Variants in MEIS1 observed in about 807,000 individuals in gnomAD.
The protein encoded by MEIS1 is Meis homeobox 1.
In MEIS1, 5 loss-of-function variants were observed where a neutral mutation model predicts 50.8. The observed-to-expected ratio is 0.10, with a 90% CI of 0.05 to 0.21. The LOEUF is 0.21. Ranked by LOEUF, MEIS1 falls within the 10% of genes least tolerant of loss-of-function variation. MEIS1 has a pLI of 1.00. For missense variants in MEIS1, 318 were observed against 517.3 expected (o/e 0.61, Z 3.74); for synonymous variants, 176 against 179.3 (o/e 0.98, Z 0.15).
At chr2:66,555,280 C>CTCTCTCTCTCTCT (rs10695722) in intron 9 of MEIS1, among the ~76,000 whole-genome samples, 9,582 of 133,774 alleles carry the variant, frequency 0.072, 638 homozygotes, top group East Asian at 0.17. Context: ...CTCTCTCTCT[C>CTCTCTCTCTCTCT]GTCTCTCTCC....
In MEIS1 at chr2:66,567,968, C is replaced by CTAAA. The variant is rs1675391689; in HGVS notation, c.1024+458_1024+459insAAAT. Reference sequence around the variant, plus strand: ...TTCAATGAGGTAGAGCTTTTGTGTGCTTTAATAACCCAAGGCAGCTTACTT... The same window carrying CTAAA: ...TTCAATGAGGTAGAGCTTTTGTGTGCTAAATTTAATAACCCAAGGCAGCTTACTT... On this transcript the variant is annotated intron_variant, in intron 10 of 12. Coordinates refer to ENST00000272369, the MANE Select transcript of MEIS1 (RefSeq NM_002398.3). The CTAAA allele has an allele frequency of 4.7e-5, 12 of 256,650 alleles. No individual in the cohort carries two copies. In the South Asian group the frequency reaches 6.4e-4, roughly 14 times the overall value. 15.9% of individuals were successfully genotyped at this position (256,650 alleles called of 1,614,324 possible). A position where few individuals can be genotyped will look rare whatever the true frequency, so the allele number is the denominator to read the frequency against.
At chr2:66,492,348 C>T (rs1673294016) in intron 7 of MEIS1, among the ~76,000 whole-genome samples, 2 of 152,046 alleles carry the variant, frequency 1.3e-5, no homozygotes, top group South Asian at 4.2e-4. Flanking sequence ...CCTGTGAGTA[C>T]AGGATTCAAA....
At position 66,441,811 on chromosome 2, in the gene MEIS1, C is replaced by G. The variant is rs554527644; in HGVS notation, c.483+347C>G. The G allele has an allele frequency of 4.7e-4, 112 of 237,250 alleles. 1 individual carries two copies. In the Middle Eastern group the frequency reaches 5.4e-3, roughly 11 times the overall value. 14.7% of individuals were successfully genotyped at this position (237,250 alleles called of 1,614,324 possible). On this transcript the variant is annotated intron_variant, in intron 5 of 12. Coordinates refer to ENST00000272369, the MANE Select transcript of MEIS1 (RefSeq NM_002398.3). ...CTCTGTTGTCTCTTCTCATCCTCTT[C>G]CTTCTCTTCTTTGCTACCTCTGAGG...
intron 7 of MEIS1, among the ~76,000 whole-genome samples, chr2:66,464,741 G>C (rs1238278186): frequency 6.6e-6 from 1 of 152,128 alleles, no homozygotes; most frequent in Non-Finnish European, 1.5e-5. Context: ...TGCAAAGCCA[G>C]ACTAAATAAA....
intron 7 of MEIS1, among the ~76,000 whole-genome samples, chr2:66,469,814 T>C (rs1394769244): frequency 6.6e-6 from 1 of 152,166 alleles, no homozygotes; most frequent in Non-Finnish European, 1.5e-5. Flanking sequence ...CAGAAGATAT[T>C]TTAATTTGAA....
chr2:66,504,233 C>T (rs1451784430), intron 7 of MEIS1, among the ~76,000 whole-genome samples: 1 of 151,456 alleles, frequency 6.6e-6, no homozygotes, highest in Admixed American at 6.6e-5. Flanking sequence ...TAACAATTAA[C>T]AATTTCTTTC....
intron 6 of MEIS1, among the ~76,000 whole-genome samples, chr2:66,445,536 G>C (rs1315158946): frequency 3.3e-5 from 5 of 152,354 alleles, no homozygotes; most frequent in African/African-American, 1.2e-4. Context: ...TGCGAATGCA[G>C]CCCAGCCAGT....
intron 6 of MEIS1, among the ~76,000 whole-genome samples, chr2:66,462,682 C>T (rs998121407): frequency 3.9e-5 from 6 of 152,196 alleles, no homozygotes; most frequent in African/African-American, 1.2e-4. Context: ...TTACGTCTTA[C>T]AGCATTCTTC....
intron 7 of MEIS1, among the ~76,000 whole-genome samples, chr2:66,476,622 A>T (rs1672898495): frequency 6.6e-6 from 1 of 152,170 alleles, no homozygotes; most frequent in Non-Finnish European, 1.5e-5. Context: ...GGTACCTAAC[A>T]AACTGGCACA....
intron 6 of MEIS1, among the ~76,000 whole-genome samples, chr2:66,455,779 T>C (rs1220484630): frequency 6.6e-6 from 1 of 152,204 alleles, no homozygotes; most frequent in Non-Finnish European, 1.5e-5. Context: ...GGATAGCAGA[T>C]TTTAAAAATA....
chr2:66,555,614 C>T lies in MEIS1; in HGVS notation c.965+7595C>T, dbSNP rs146568373. 5.5e-3 allele frequency among the ~76,000 whole-genome samples: 839 copies of T among 152,154 alleles called. 4 individuals carry two copies. The highest frequency in any genetic ancestry group is 8.7e-3 in the Non-Finnish European group (591 of 68,002). ...CTTAAGTGTGTTTACATATAGTTTG[C>T]CTTTCTGGTATTTTCTGCTTGCACA... On this transcript the variant is annotated intron_variant, in intron 9 of 12. Coordinates refer to ENST00000272369, the MANE Select transcript of MEIS1 (RefSeq NM_002398.3).
intron 8 of MEIS1, among the ~76,000 whole-genome samples, chr2:66,546,640 A>G (rs1674798189): frequency 6.6e-6 from 1 of 152,236 alleles, no homozygotes. Flanking sequence ...ATTAATTACC[A>G]TCCTGTCTGT....
At chr2:66,570,665 G>A (rs1675464216) in intron 12 of MEIS1, 1 of 152,460 alleles carries the variant, frequency 6.6e-6, no homozygotes, top group African/African-American at 2.4e-5. Context: ...AAGACAAGAG[G>A]CCCCCTCAAA....
Position 66,512,302 on chromosome 2 carries a change from G to A in MEIS1, c.888+8G>A. The A allele has an allele frequency of 3.1e-6, 5 of 1,606,828 alleles. No homozygotes were observed. Among genetic ancestry groups the A allele is most frequent in the Non-Finnish European group, 2.5e-6 (3 of 1,177,414 alleles). ...CTGTTCCAGCATCTAACAGTAAGTGGATTCTAAATGACATATATAAACTAA... is the reference window on the plus strand; with the variant it reads ...CTGTTCCAGCATCTAACAGTAAGTGAATTCTAAATGACATATATAAACTAA... On this transcript the variant is annotated splice_region_variant and intron_variant, in intron 8 of 12. Coordinates refer to ENST00000272369, the MANE Select transcript of MEIS1 (RefSeq NM_002398.3).
intron 6 of MEIS1, among the ~76,000 whole-genome samples, chr2:66,458,520 A>T (rs1346378651): frequency 6.6e-6 from 1 of 152,194 alleles, no homozygotes; most frequent in African/African-American, 2.4e-5. Flanking sequence ...TTGTTACATT[A>T]AGAACTATAG....
Position 66,441,458 on chromosome 2 carries a change from A to G in MEIS1, c.477A>G (p.Leu159=), listed in dbSNP as rs756465789. The part of the protein sequence containing the change: ...IQVLRFHLLE[L]EKVHELCDNF... ...TATTAAGGTTTCATCTATTGGAATTAGAGAAGGTAATTTCTCTAGCCTCTT... is the reference window on the plus strand; with the variant it reads ...TATTAAGGTTTCATCTATTGGAATTGGAGAAGGTAATTTCTCTAGCCTCTT... Residue 159 remains leucine, a synonymous_variant, in exon 5 of 13, where the codon TTA becomes TTG. Coordinates refer to ENST00000272369, the MANE Select transcript of MEIS1 (RefSeq NM_002398.3). 7.7e-6 allele frequency: 12 copies of G among 1,549,662 alleles called. No homozygotes were observed. The East Asian group carries it at 2.9e-4, about 37-fold the overall frequency.
At chr2:66,531,747 C>T (rs569807838) in intron 8 of MEIS1, among the ~76,000 whole-genome samples, 38 of 152,308 alleles carry the variant, frequency 2.5e-4, no homozygotes, top group African/African-American at 8.2e-4. Flanking sequence ...TGGCTGCGGA[C>T]GAAGGCCCTG....
chr2:66,488,632 C>T (rs553626501), intron 7 of MEIS1, among the ~76,000 whole-genome samples: 9 of 152,182 alleles, frequency 5.9e-5, no homozygotes, highest in East Asian at 3.9e-4. Context: ...GAGCCGAGAT[C>T]GCGCCACTGC....
At chr2:66,554,469 C>T (rs963655441) in intron 9 of MEIS1, among the ~76,000 whole-genome samples, 4 of 152,154 alleles carry the variant, frequency 2.6e-5, no homozygotes, top group Admixed American at 1.3e-4. Flanking sequence ...AGCTTGGCTA[C>T]GCCTCATCCA....
Sources: gnomAD v4.1 joint callset for allele counts (sites outside exome capture counted in the v4.1 genomes callset) on GRCh38, gnomAD v4.1.1 for gene constraint, MANE v1.5 for transcripts, NCBI Gene and HGNC (gene_info 2026-07-23, HGNC 2026-07-21) for gene names.